KANSL3: variants seen among roughly 807,000 people sequenced by gnomAD.
The protein encoded by KANSL3 is KAT8 regulatory NSL complex subunit 3.
A neutral mutation model predicts 89.2 loss-of-function variants in KANSL3; 16 were observed. The ratio of observed to expected loss-of-function variants is 0.18; its 90% CI spans 0.12 to 0.27. KANSL3 has a LOEUF of 0.27. Among genes scored for constraint, KANSL3 ranks in the 10% least tolerant of loss-of-function variants. The pLI, the probability that KANSL3 is intolerant of heterozygous loss-of-function variation, is 1.00. For synonymous variants in KANSL3, 385 were observed against 419.7 expected (o/e 0.92, Z 1.01); for missense variants, 879 against 1,110.6 (o/e 0.79, Z 2.96).
At chr2:96,614,062 G>A (rs2069498325) in intron 5 of KANSL3, among the ~76,000 whole-genome samples, 1 of 152,094 alleles carries the variant, frequency 6.6e-6, no homozygotes, top group South Asian at 2.1e-4. Context: ...TACCTAATTG[G>A]ATATTAAAGA....
chr2:96,611,005 C>A (rs529842860), intron 10 of KANSL3, 59 bp downstream of exon 10: 1 of 1,582,314 alleles, frequency 6.3e-7, no homozygotes, highest in Non-Finnish European at 8.7e-7. Flanking sequence ...TTGGACAAGG[C>A]ATGCACACTC....
At chr2:96,612,163 T>G in intron 9 of KANSL3, 119 bp downstream of exon 9, 2 of 723,838 alleles carry the variant, frequency 2.8e-6, no homozygotes, top group Non-Finnish European at 4.8e-6. Flanking sequence ...GTTTAAAATG[T>G]AATTATATAG....
chr2:96,627,573 A>T (rs1217658094), intron 3 of KANSL3, among the ~76,000 whole-genome samples: 1 of 152,198 alleles, frequency 6.6e-6, no homozygotes, highest in African/African-American at 2.4e-5. Flanking sequence ...AGAGAGGAAA[A>T]AAGCTCTTAA....
rs766299950 is a variant in KANSL3 at position 96,611,147 on chromosome 2, A to T, written c.1087-9T>A. On this transcript the variant is annotated splice_polypyrimidine_tract_variant and intron_variant, in intron 9 of 20. Transcript: ENST00000431828. ...TACTCCATTACTGACACCTGTAAAT[A>T]ACAGAACAGTTTGTCTAAACGTCAA... 1.2e-6 allele frequency: 2 copies of T among 1,613,088 alleles called. No homozygotes were observed. Among genetic ancestry groups the T allele is most frequent in the South Asian group, 2.2e-5 (2 of 91,062 alleles).
At chr2:96,595,809 A>G (rs1239397813) in intron 20 of KANSL3, among the ~76,000 whole-genome samples, 178 bp from the exon 21 acceptor site, 1 of 152,236 alleles carries the variant, frequency 6.6e-6, no homozygotes, top group Non-Finnish European at 1.5e-5. Context: ...TTAACAGAAC[A>G]TGGACTCTAG....
At chr2:96,592,864 G>T (rs2066309101), downstream of KANSL3, among the ~76,000 whole-genome samples, 1 of 152,104 alleles carries the variant, frequency 6.6e-6, no homozygotes, top group African/African-American at 2.4e-5. Context: ...TTAGCTGGGC[G>T]TGGTGTCGGG....
At chr2:96,613,005 A>C in intron 6 of KANSL3, 71 bp from the exon 7 acceptor site, 1 of 1,006,682 alleles carries the variant, frequency 9.9e-7, no homozygotes, top group East Asian at 2.6e-5. Context: ...CAAGTATCCC[A>C]ATACCTTTCT....
At chr2:96,581,112 T>C in the KANSL3 span, among the ~76,000 whole-genome samples, 1 of 152,190 alleles carries the variant, frequency 6.6e-6, no homozygotes, top group Non-Finnish European at 1.5e-5. Flanking sequence ...AGCCTAGTGC[T>C]TTAGTTTCCC....
At chr2:96,636,736 TA>T (rs2074305404) in intron 2 of KANSL3, 184 bp downstream of exon 2, 4 of 475,570 alleles carry the variant, frequency 8.4e-6, no homozygotes, top group Non-Finnish European at 1.5e-5. Context: ...TAACTCTTGT[TA>T]GCTGTCTCAC....
At chr2:96,604,982 A>G in intron 15 of KANSL3, 119 bp from the exon 16 acceptor site, 1 of 805,452 alleles carries the variant, frequency 1.2e-6, no homozygotes, top group South Asian at 1.8e-5. Flanking sequence ...ATGAAAAAAG[A>G]TGAACTATGC....
rs766917403 is a variant in KANSL3 at position 96,608,540 on chromosome 2, G to C, written c.1709C>G (p.Thr570Arg). 1.9e-6 allele frequency: 3 copies of C among 1,614,040 alleles called. No homozygotes were observed. Among genetic ancestry groups the C allele is most frequent in the Non-Finnish European group, 2.5e-6 (3 of 1,179,898 alleles). Residue 570 changes from threonine to arginine, a missense_variant, in exon 14 of 21, where the codon ACA becomes AGA. Around this residue, in one of 6 missense-constraint regions of KANSL3, gnomAD observed 317 missense variants for 311.2 expected, o/e 1.02. Coordinates refer to ENST00000431828, the MANE Select transcript of KANSL3 (RefSeq NM_001115016.3). ...SQLLKRHVQRTEAVLTHKQAQ... is the reference protein window; with the variant it reads ...SQLLKRHVQRREAVLTHKQAQ... ...TTGTTTGTGGGTCAGCACAGCTTCT[G>C]TCCGCTGCACATGTCTCTTCAGCAG... is the stretch of plus-strand genomic sequence containing the variant.
rs186951956 is a variant in KANSL3, at chr2:96,620,141, A to G, written c.387-379T>C. On this transcript the variant is annotated intron_variant, in intron 3 of 20. Coordinates refer to ENST00000431828, the MANE Select transcript of KANSL3 (RefSeq NM_001115016.3). ...TGAACAGACGACATATTTGAATTTC[A>G]TAAGTTTTATATTTCACACAAAAAG... Among the ~76,000 whole-genome samples the G allele has an allele frequency of 3.2e-4, 48 of 152,342 alleles. No individual in the cohort carries two copies. The East Asian group carries it at 4.8e-3, about 15-fold the overall frequency.
At chr2:96,601,441 G>T in intron 20 of KANSL3, 1 of 1,363,672 alleles carries the variant, frequency 7.3e-7, no homozygotes, top group Non-Finnish European at 9.4e-7. Context: ...ACAATATCAA[G>T]GGAGGGATGT....
intron 3 of KANSL3, chr2:96,628,450 GACCAGCCTAGGCAACATGGTGAA>G: frequency 4.6e-6 from 1 of 217,870 alleles, no homozygotes; most frequent in Non-Finnish European, 9.2e-6. Context: ...AGGAGTTTGA[GACCAGCCTAGGCAACATGGTGAA>G]ACCCAATCTC....
chr2:96,604,277 C>T lies in KANSL3; in HGVS notation c.2122G>A (p.Ala708Thr). The T allele has an allele frequency of 1.2e-6, 2 of 1,610,208 alleles. No individual in the cohort carries two copies. The highest frequency in any genetic ancestry group is 1.7e-6 in the Non-Finnish European group (2 of 1,178,456). Residue 708 changes from alanine (A) to threonine (T), a missense_variant, in exon 17 of 21, where the codon GCC becomes ACC. Coordinates refer to ENST00000431828, the MANE Select transcript of KANSL3 (RefSeq NM_001115016.3). ...ALHTLQSRLV[A>T]TSPGSSLPGA... ...GGGAGGGAGCTGCCAGGAGATGTGG[C>T]CACCAGGCGGCTCTGCAGTGTGTGC...
chr2:96,601,233 A>C lies in KANSL3; in HGVS notation c.2616+410T>G, dbSNP rs1170926109. On this transcript the variant is annotated intron_variant, in intron 20 of 20. Coordinates refer to ENST00000431828, the MANE Select transcript of KANSL3 (RefSeq NM_001115016.3). ...CAGGGAGCCGAGATCACACCCCTGCACTCCAGCTTGGGCGATAGAGCAAGA... is the reference window on the plus strand; with the variant it reads ...CAGGGAGCCGAGATCACACCCCTGCCCTCCAGCTTGGGCGATAGAGCAAGA... 4.9e-6 allele frequency: 4 copies of C among 814,406 alleles called. No individual in the cohort carries two copies. In the African/African-American group the frequency reaches 7.5e-5, roughly 15 times the overall value. 50.4% of individuals were successfully genotyped at this position (814,406 alleles called of 1,614,324 possible).
chr2:96,600,627 C>T (rs2067040727), intron 20 of KANSL3: 10 of 985,346 alleles, frequency 1.0e-5, no homozygotes, highest in South Asian at 4.7e-5. Context: ...GGCTGTATAG[C>T]GGATACTGAA....
intron 6 of KANSL3, 87 bp from the exon 7 acceptor site, chr2:96,613,021 C>T: frequency 2.4e-6 from 2 of 819,736 alleles, no homozygotes; most frequent in Non-Finnish European, 4.1e-6. Context: ...TTTCTCATCC[C>T]AACCAATGCT....
chr2:96,601,837 T>C, intron 19 of KANSL3, 61 bp from the exon 20 acceptor site: 1 of 1,492,382 alleles, frequency 6.7e-7, no homozygotes, highest in Non-Finnish European at 8.9e-7. Context: ...TACTGAGGCT[T>C]TCCTTTCCTG....
Sources: allele counts gnomAD v4.1 joint callset (sites outside exome capture counted in the v4.1 genomes callset), GRCh38; gene constraint gnomAD v4.1.1; regional missense constraint gnomAD v4.1.1; transcripts MANE v1.5; gene names NCBI Gene and HGNC (gene_info 2026-07-23, HGNC 2026-07-21).